NALF1: variants seen among roughly 807,000 people sequenced by gnomAD.
NALF1 encodes NALCN channel auxiliary factor 1, also known as family with sequence similarity 155 member A.
A neutral mutation model predicts 48.4 loss-of-function variants in NALF1; 3 were observed. The observed-to-expected ratio is 0.06, with a 90% confidence interval of 0.03 to 0.16. NALF1 has a LOEUF of 0.16. Ranked by LOEUF, NALF1 falls within the 10% of genes least tolerant of loss-of-function variation. NALF1 has a pLI of 1.00. For synonymous variants in NALF1, 262 were observed against 245.7 expected, an observed-to-expected ratio of 1.07 and a Z score of -0.62; for missense variants, 526 against 571.5, an observed-to-expected ratio of 0.92 and a Z score of 0.81.
chr13:107,697,476 G>A (rs1418974570), intron 1 of NALF1, among the ~76,000 whole-genome samples: 1 of 151,918 alleles, frequency 6.6e-6, no homozygotes, highest in Non-Finnish European at 1.5e-5. Context: ...AACTTGATTG[G>A]TATTGTACAA....
intron 1 of NALF1, among the ~76,000 whole-genome samples, chr13:107,572,282 G>C (rs1276154850): frequency 6.6e-6 from 1 of 151,986 alleles, no homozygotes; most frequent in Admixed American, 6.5e-5. Context: ...CGACCTTCTG[G>C]TAATGAACGA....
At chr13:107,790,645 C>T (rs1878204058) in intron 1 of NALF1, among the ~76,000 whole-genome samples, 1 of 152,096 alleles carries the variant, frequency 6.6e-6, no homozygotes, top group Admixed American at 6.6e-5. Context: ...ATTAAAATAG[C>T]ATAGCAATTC....
chr13:107,227,973 C>T (rs1880139524), intron 1 of NALF1, among the ~76,000 whole-genome samples: 1 of 152,126 alleles, frequency 6.6e-6, no homozygotes. Context: ...ATATAAGGAA[C>T]CAATGAAATC....
intron 1 of NALF1, among the ~76,000 whole-genome samples, chr13:107,427,125 G>A (rs1276217377): frequency 6.6e-6 from 1 of 151,578 alleles, no homozygotes; most frequent in Admixed American, 6.6e-5. Flanking sequence ...ATGTGTTAAT[G>A]TTCTTATAAT....
chr13:107,588,451 A>G (rs944669015), intron 1 of NALF1, among the ~76,000 whole-genome samples: 1 of 152,086 alleles, frequency 6.6e-6, no homozygotes, highest in Non-Finnish European at 1.5e-5. Context: ...TGGGAATAAC[A>G]CAGAGACCCC....
chr13:107,833,060 C>A (rs1879788238), intron 1 of NALF1, among the ~76,000 whole-genome samples: 1 of 152,192 alleles, frequency 6.6e-6, no homozygotes, highest in Non-Finnish European at 1.5e-5. Context: ...CACGCACATG[C>A]CCCATCTCCT....
At chr13:107,182,114 C>G (rs1168470260) in intron 2 of NALF1, among the ~76,000 whole-genome samples, 1 of 152,134 alleles carries the variant, frequency 6.6e-6, no homozygotes, top group African/African-American at 2.4e-5. Flanking sequence ...GAGTGCTTGT[C>G]CCTACTTTCG....
intron 1 of NALF1, among the ~76,000 whole-genome samples, chr13:107,720,094 C>T (rs982352290): frequency 6.6e-6 from 1 of 152,200 alleles, no homozygotes; most frequent in African/African-American, 2.4e-5. Context: ...TGCAACTAGA[C>T]AATACTTTAT....
intron 1 of NALF1, among the ~76,000 whole-genome samples, chr13:107,444,029 T>C (rs948116808): frequency 5.3e-5 from 8 of 152,146 alleles, no homozygotes; most frequent in African/African-American, 1.2e-4. Flanking sequence ...TTCTTGCATA[T>C]ACCTGAGTAC....
Position 107,308,482 on chromosome 13 carries a change from G to A in NALF1, c.916-97727C>T, listed in dbSNP as rs760568530. On this transcript the variant is annotated intron_variant, in intron 1 of 2. Coordinates refer to ENST00000375915, the MANE Select transcript of NALF1 (RefSeq NM_001080396.3). ...CTCCCAAAGTGCTGGGATTACAGGC[G>A]TGAGTATCTATGCTTTTCGGCACTT... Among the ~76,000 whole-genome samples, 8 of 152,148 alleles carry A rather than the reference G, an allele frequency of 5.3e-5. No homozygotes were observed. In the East Asian group the frequency reaches 1.3e-3, roughly 26 times the overall value.
chr13:107,518,821 T>C (rs1452974267), intron 1 of NALF1, among the ~76,000 whole-genome samples: 1 of 152,174 alleles, frequency 6.6e-6, no homozygotes, highest in Admixed American at 6.5e-5. Flanking sequence ...ATCATGGTCA[T>C]ATATTTGGAA....
chr13:107,841,507 A>C (rs1880041974), intron 1 of NALF1, among the ~76,000 whole-genome samples: 1 of 152,162 alleles, frequency 6.6e-6, no homozygotes, highest in African/African-American at 2.4e-5. Context: ...CACTGGAATA[A>C]TGTAAATAAA....
intron 2 of NALF1, among the ~76,000 whole-genome samples, chr13:107,175,477 G>A (rs1323522073): frequency 6.6e-6 from 1 of 152,084 alleles, no homozygotes; most frequent in Non-Finnish European, 1.5e-5. Flanking sequence ...ATTTCTAAGA[G>A]GTTTTGATTA....
At chr13:107,443,578 C>T (rs1594066080) in intron 1 of NALF1, among the ~76,000 whole-genome samples, 2 of 152,192 alleles carry the variant, frequency 1.3e-5, no homozygotes, top group East Asian at 3.9e-4. Context: ...AAAAATAAGT[C>T]CAAATATACA....
chr13:107,638,973 C>T (rs1338363546), intron 1 of NALF1, among the ~76,000 whole-genome samples: 1 of 152,096 alleles, frequency 6.6e-6, no homozygotes, highest in Non-Finnish European at 1.5e-5. Flanking sequence ...CCTATATGCA[C>T]ATAACATGTA....
At chr13:107,766,842 C>A (rs1046392140) in intron 1 of NALF1, among the ~76,000 whole-genome samples, 5 of 152,152 alleles carry the variant, frequency 3.3e-5, no homozygotes, top group African/African-American at 9.7e-5. Flanking sequence ...GTTTTAATGC[C>A]ATCTGACCCA....
At chr13:107,177,491 A>G (rs1180504552) in intron 2 of NALF1, among the ~76,000 whole-genome samples, 1 of 152,236 alleles carries the variant, frequency 6.6e-6, no homozygotes, top group Non-Finnish European at 1.5e-5. Flanking sequence ...TCTGACTTCA[A>G]ATTGTACTGC....
At chr13:107,489,111 A>G (rs1201155103) in intron 1 of NALF1, among the ~76,000 whole-genome samples, 2 of 152,030 alleles carry the variant, frequency 1.3e-5, no homozygotes, top group African/African-American at 4.8e-5. Flanking sequence ...AACTGCTCAA[A>G]GTAATCTGAG....
intron 1 of NALF1, among the ~76,000 whole-genome samples, chr13:107,708,713 C>CGT (rs1555319829): frequency 6.6e-6 from 1 of 151,660 alleles, no homozygotes; most frequent in African/African-American, 2.4e-5. Context: ...TACCTTTTCT[C>CGT]TTTATTTATT....
Sources: gnomAD v4.1 joint callset for allele counts (sites outside exome capture counted in the v4.1 genomes callset) on GRCh38, gnomAD v4.1.1 for gene constraint, MANE v1.5 for transcripts, NCBI Gene and HGNC (gene_info 2026-07-23, HGNC 2026-07-21) for gene names.